The following ANKRD44 variants were observed in gnomAD, a reference collection of about 807,000 sequenced individuals.
ANKRD44 encodes the protein serine/threonine-protein phosphatase 6 regulatory ankyrin repeat subunit B.
ANKRD44 carries 35 observed loss-of-function variants against 116.0 expected under a neutral mutation model. The observed-to-expected ratio is 0.30, with a 90% CI of 0.23 to 0.40. The LOEUF is 0.40. ANKRD44 is among the 10% of genes least tolerant of loss of function. The pLI, the probability that ANKRD44 is intolerant of heterozygous loss-of-function variation, is 1.00. For missense variants in ANKRD44, 1,014 were observed against 1,242.6 expected, an observed-to-expected ratio of 0.82 and a Z score of 2.77; for synonymous variants, 435 against 461.8, an observed-to-expected ratio of 0.94 and a Z score of 0.74.
At chr2:196,981,505 G>C (rs541995378) in intron 21 of ANKRD44, among the ~76,000 whole-genome samples, 1 of 152,154 alleles carries the variant, frequency 6.6e-6, no homozygotes, top group African/African-American at 2.4e-5. Flanking sequence ...GCTGGGCGTG[G>C]TGGCCCACAC....
intron 1 of ANKRD44, among the ~76,000 whole-genome samples, chr2:197,271,056 C>G (rs1219094962): frequency 6.6e-6 from 1 of 152,234 alleles, no homozygotes; most frequent in African/African-American, 2.4e-5. Context: ...GTTAAATGCT[C>G]TGCTACTGCC....
intron 1 of ANKRD44, among the ~76,000 whole-genome samples, chr2:197,277,241 G>T (rs2105809895): frequency 6.6e-6 from 1 of 152,072 alleles, no homozygotes; most frequent in South Asian, 2.1e-4. Flanking sequence ...TTCTCGGTTT[G>T]GTACCCACAA....
chr2:197,027,364 GA>G (rs1023970647), intron 16 of ANKRD44, among the ~76,000 whole-genome samples: 2 of 151,878 alleles, frequency 1.3e-5, no homozygotes, highest in African/African-American at 4.8e-5. Context: ...TCTGTCTCAA[GA>G]AAAAAAGACA....
chr2:197,050,610 A>C (rs2077088956), intron 16 of ANKRD44, among the ~76,000 whole-genome samples: 1 of 151,918 alleles, frequency 6.6e-6, no homozygotes, highest in South Asian at 2.1e-4. Flanking sequence ...TTCAGTGGAG[A>C]CAGGGTTTCA....
At chr2:197,020,233 T>C (rs1401918029) in intron 17 of ANKRD44, among the ~76,000 whole-genome samples, 1 of 152,182 alleles carries the variant, frequency 6.6e-6, no homozygotes, top group Non-Finnish European at 1.5e-5. Context: ...AGTCTGTCGC[T>C]TAAACTTGGA....
intron 21 of ANKRD44, among the ~76,000 whole-genome samples, chr2:196,972,821 T>A (rs190964135): frequency 6.6e-6 from 1 of 152,318 alleles, no homozygotes; most frequent in Non-Finnish European, 1.5e-5. Context: ...TTCCCTAAAG[T>A]ATGAGTGCTT....
chr2:197,012,834 C>T (rs1269405003), intron 18 of ANKRD44, among the ~76,000 whole-genome samples: 3 of 152,210 alleles, frequency 2.0e-5, no homozygotes, highest in African/African-American at 7.2e-5. Context: ...GCTGATATCA[C>T]TGGATTTCCT....
At position 197,305,883 on chromosome 2, in the gene ANKRD44, G is replaced by T. The variant is rs57170028; in HGVS notation, c.27+4695C>A. On this transcript the variant is annotated intron_variant, in intron 1 of 27. Transcript: ENST00000282272. Reference sequence around the variant, plus strand: ...AAAATGTCAAGAATAGTTATCTCTTGAGTATACAGGCTTCAGATGGTTTTA... The same window carrying T: ...AAAATGTCAAGAATAGTTATCTCTTTAGTATACAGGCTTCAGATGGTTTTA... Among the ~76,000 whole-genome samples, 197 of 151,004 alleles carry T rather than the reference G, an allele frequency of 1.3e-3. 8 individuals carry two copies. In the East Asian group the frequency reaches 0.037, roughly 29 times the overall value.
intron 23 of ANKRD44, among the ~76,000 whole-genome samples, chr2:196,999,263 G>T (rs553873136): frequency 2.0e-5 from 3 of 152,136 alleles, no homozygotes; most frequent in South Asian, 4.2e-4. Flanking sequence ...TTGGGAGGGG[G>T]GTGTGTGTTG....
At chr2:197,150,791 G>A (rs967154826) in intron 2 of ANKRD44, among the ~76,000 whole-genome samples, 1 of 152,130 alleles carries the variant, frequency 6.6e-6, no homozygotes, top group African/African-American at 2.4e-5. Flanking sequence ...CCAGGGGCTT[G>A]GGGCTTAACA....
intron 15 of ANKRD44, among the ~76,000 whole-genome samples, chr2:197,080,560 C>T (rs1246816861): frequency 6.6e-6 from 1 of 152,196 alleles, no homozygotes; most frequent in Non-Finnish European, 1.5e-5. Context: ...GCTGCAGTGG[C>T]TTAAGATGCT....
At chr2:197,187,696 C>G (rs2080719127) in intron 1 of ANKRD44, among the ~76,000 whole-genome samples, 1 of 152,114 alleles carries the variant, frequency 6.6e-6, no homozygotes, top group Non-Finnish European at 1.5e-5. Context: ...TTCTCCCTCT[C>G]TCTCTTTCTT....
At chr2:197,081,808 A>T in intron 14 of ANKRD44, 83 bp from the exon 15 acceptor site, 1 of 1,127,304 alleles carries the variant, frequency 8.9e-7, no homozygotes, top group Non-Finnish European at 1.3e-6. Flanking sequence ...TGCAATTTAT[A>T]TCTCAATGAT....
intron 16 of ANKRD44, among the ~76,000 whole-genome samples, chr2:197,069,890 CCT>C (rs1016067543): frequency 6.8e-6 from 1 of 147,508 alleles, no homozygotes; most frequent in African/African-American, 2.4e-5. Flanking sequence ...GAATGTCTCT[CCT>C]TTTTTTTTTT....
chr2:197,285,692 C>T (rs1454502501), intron 1 of ANKRD44, among the ~76,000 whole-genome samples: 1 of 152,156 alleles, frequency 6.6e-6, no homozygotes, highest in African/African-American at 2.4e-5. Context: ...TGCCCCCAGT[C>T]ACAAATTCCT....
chr2:197,057,998 T>C (rs1231933344), intron 16 of ANKRD44, among the ~76,000 whole-genome samples: 1 of 152,240 alleles, frequency 6.6e-6, no homozygotes, highest in Non-Finnish European at 1.5e-5. Context: ...TCCATTTTCA[T>C]TTATTTCCTG....
chr2:197,283,104 A>T (rs1469151026), intron 1 of ANKRD44, among the ~76,000 whole-genome samples: 3 of 152,186 alleles, frequency 2.0e-5, no homozygotes, highest in Non-Finnish European at 4.4e-5. Context: ...TAAGCTTCTA[A>T]GCCTCACTTA....
At chr2:197,266,166 A>G (rs1177157043) in intron 1 of ANKRD44, among the ~76,000 whole-genome samples, 1 of 152,178 alleles carries the variant, frequency 6.6e-6, no homozygotes, top group Admixed American at 6.5e-5. Flanking sequence ...GCTGGAACTC[A>G]TAGTCTTTCA....
chr2:197,016,065 TCAGGAGAGCTG>T (rs1270531174), intron 17 of ANKRD44: 3 of 487,192 alleles, frequency 6.2e-6, no homozygotes, highest in Non-Finnish European at 1.2e-5. Flanking sequence ...CGATGAGTTG[TCAGGAGAGCTG>T]CAGGTTACTT....
Sources: allele counts gnomAD v4.1 joint callset (sites outside exome capture counted in the v4.1 genomes callset), GRCh38; gene constraint gnomAD v4.1.1; transcripts MANE v1.5; gene names NCBI Gene and HGNC (gene_info 2026-07-23, HGNC 2026-07-21).